DNAH12: variants seen among roughly 807,000 people sequenced by gnomAD.
DNAH12 encodes dynein axonemal heavy chain 12, also known as axonemal beta dynein heavy chain 12.
DNAH12 carries 285 observed loss-of-function variants against 371.5 expected under a neutral mutation model. The observed-to-expected ratio is 0.77, with a 90% CI of 0.70 to 0.85. The LOEUF is 0.85. DNAH12 is among the 40% of genes least tolerant of loss of function. The pLI is 0.00. For missense variants in DNAH12, 3,611 were observed against 3,689.4 expected, an observed-to-expected ratio of 0.98 and a Z score of 0.55; for synonymous variants, 1,200 against 1,213.0, an observed-to-expected ratio of 0.99 and a Z score of 0.22.
intron 58 of DNAH12, among the ~76,000 whole-genome samples, chr3:57,357,672 A>T (rs979489253): frequency 6.6e-6 from 1 of 152,182 alleles, no homozygotes; most frequent in Non-Finnish European, 1.5e-5. Context: ...CATACCAAAT[A>T]AGAAAGCTTT....
intron 37 of DNAH12, among the ~76,000 whole-genome samples, chr3:57,418,990 GA>G (rs2064479220): frequency 6.6e-6 from 1 of 152,192 alleles, no homozygotes; most frequent in African/African-American, 2.4e-5. Context: ...GGACATAGGT[GA>G]AAAATGCTAA....
the DNAH12 span, among the ~76,000 whole-genome samples, chr3:57,554,212 G>A: frequency 2.0e-4 from 26 of 129,926 alleles, 2 homozygotes; most frequent in South Asian, 6.7e-4. Context: ...GCTTGAACCC[G>A]GGAGGTGGAG....
At chr3:57,470,676 G>C in intron 15 of DNAH12, 40 bp from the exon 16 acceptor site, 1 of 1,438,868 alleles carries the variant, frequency 6.9e-7, no homozygotes, top group African/African-American at 1.5e-5. Flanking sequence ...AAAAATTCAA[G>C]TAATGTTATA....
rs2067046134 is a variant in DNAH12, at chr3:57,489,600, C to T, written c.1423G>A (p.Asp475Asn). 1.3e-6 allele frequency: 2 copies of T among 1,542,740 alleles called. No individual in the cohort carries two copies. The highest frequency in any genetic ancestry group is 2.8e-5 in the African/African-American group (2 of 72,376). ...TTATTTGTCAGGCCTGTCTTCAAAT[C>T]TTCACAATCCAAACGCACCATAGTG... is the stretch of plus-strand genomic sequence containing the variant. ...HYTMVRLDCE[D>N]LKTGLTNKAK... Residue 475 changes from aspartate to asparagine, a missense_variant, in exon 12 of 74, where the codon GAT becomes AAT. Around this residue, in one of 3 missense-constraint regions of DNAH12, gnomAD observed 1,314 missense variants for 1,398.7 expected, o/e 0.94. Coordinates refer to ENST00000495027, the MANE Select transcript of DNAH12 (RefSeq NM_001366028.2).
intron 40 of DNAH12, among the ~76,000 whole-genome samples, chr3:57,406,393 C>T (rs559319370): frequency 1.3e-5 from 2 of 150,570 alleles, no homozygotes; most frequent in South Asian, 4.2e-4. Context: ...ATTATACTGG[C>T]TTGGAAAATT....
chr3:57,453,482 T>C (rs1346904448), intron 23 of DNAH12, 79 bp from the exon 24 acceptor site: 4 of 1,242,088 alleles, frequency 3.2e-6, no homozygotes, highest in South Asian at 4.0e-5. Flanking sequence ...TAGTCTTTTA[T>C]AAAACAATTC....
At chr3:57,401,448 C>T (rs1353559616) in intron 43 of DNAH12, among the ~76,000 whole-genome samples, 2 of 149,636 alleles carry the variant, frequency 1.3e-5, no homozygotes, top group African/African-American at 4.9e-5. Flanking sequence ...CCTGCAATCC[C>T]AGGTACTTGG....
chr3:57,524,420 T>G (rs2068563333), intron 2 of DNAH12, among the ~76,000 whole-genome samples: 1 of 152,192 alleles, frequency 6.6e-6, no homozygotes, highest in Non-Finnish European at 1.5e-5. Flanking sequence ...TTAAGAGATT[T>G]TTTTTGCATT....
intron 8 of DNAH12, among the ~76,000 whole-genome samples, chr3:57,507,294 T>C (rs1316269312): frequency 6.6e-6 from 1 of 152,118 alleles, no homozygotes; most frequent in Non-Finnish European, 1.5e-5. Context: ...AAGATTTTAC[T>C]GAGAACAAAA....
At chr3:57,326,202 C>G (rs908673746) in intron 62 of DNAH12, among the ~76,000 whole-genome samples, 8 of 151,918 alleles carry the variant, frequency 5.3e-5, no homozygotes, top group African/African-American at 1.7e-4. Context: ...TCAGGAAATA[C>G]AGAGAATGCC....
chr3:57,343,618 CCAGCCCG>C (rs2062460206), intron 60 of DNAH12, among the ~76,000 whole-genome samples: 1 of 152,174 alleles, frequency 6.6e-6, no homozygotes, highest in Non-Finnish European at 1.5e-5. Flanking sequence ...TGACCGTCCC[CCAGCCCG>C]ACACCTGTAA....
At chr3:57,542,224 T>G (rs2069323312) in intron 2 of DNAH12, among the ~76,000 whole-genome samples, 1 of 149,102 alleles carries the variant, frequency 6.7e-6, no homozygotes, top group Non-Finnish European at 1.5e-5. Context: ...ATTTCAAATA[T>G]AAGTAGTTTC....
At chr3:57,539,733 C>G (rs2069193385) in intron 2 of DNAH12, among the ~76,000 whole-genome samples, 1 of 151,600 alleles carries the variant, frequency 6.6e-6, no homozygotes, top group Non-Finnish European at 1.5e-5. Flanking sequence ...CCTGCCTCAG[C>G]CTCCCGAGTA....
intron 11 of DNAH12, among the ~76,000 whole-genome samples, chr3:57,492,460 C>T (rs933988362): frequency 4.6e-5 from 7 of 151,184 alleles, no homozygotes; most frequent in Admixed American, 1.3e-4. Flanking sequence ...AACTCCAACT[C>T]AAATAAATAA....
intron 25 of DNAH12, among the ~76,000 whole-genome samples, chr3:57,451,399 G>C (rs1166073453): frequency 2.0e-5 from 3 of 152,206 alleles, no homozygotes; most frequent in Non-Finnish European, 4.4e-5. Context: ...GGAAGGCTGA[G>C]GCAGGCAGAT....
Position 57,453,028 on chromosome 3 carries a change from A to C in DNAH12, c.3614-13T>G. On this transcript the variant is annotated splice_polypyrimidine_tract_variant and intron_variant, in intron 24 of 73. Coordinates refer to ENST00000495027, the MANE Select transcript of DNAH12 (RefSeq NM_001366028.2). ...TCATGTGAGACACCTAGAAAAAATA[A>C]AGTAAAATAAGACACATGATCCTTA... 1 of 1,533,454 alleles carries C rather than the reference A, an allele frequency of 6.5e-7. No individual in the cohort carries two copies. 95.0% of individuals were successfully genotyped at this position (1,533,454 alleles called of 1,614,324 possible). A position where few individuals can be genotyped will look rare whatever the true frequency, so the allele number is the denominator to read the frequency against.
At chr3:57,359,441 C>T (rs1398032696) in intron 58 of DNAH12, among the ~76,000 whole-genome samples, 1 of 151,458 alleles carries the variant, frequency 6.6e-6, no homozygotes, top group Non-Finnish European at 1.5e-5. Context: ...TGCCTGTAAT[C>T]CCAGCTACTC....
At chr3:57,302,553 A>ATGGT (rs1559535314) in intron 69 of DNAH12, among the ~76,000 whole-genome samples, 10 of 86,376 alleles carry the variant, frequency 1.2e-4, no homozygotes, top group African/African-American at 4.2e-4. Context: ...ATATATATAT[A>ATGGT]TATATATATA....
chr3:57,461,743 C>T, intron 18 of DNAH12, 54 bp from the exon 19 acceptor site: 9 of 1,396,740 alleles, frequency 6.4e-6, no homozygotes, highest in Non-Finnish European at 8.8e-6. Flanking sequence ...ATCTTATTTA[C>T]TATATTGACT....
Sources: allele counts gnomAD v4.1 joint callset (sites outside exome capture counted in the v4.1 genomes callset), GRCh38; gene constraint gnomAD v4.1.1; regional missense constraint gnomAD v4.1.1; transcripts MANE v1.5; gene names NCBI Gene and HGNC (gene_info 2026-07-23, HGNC 2026-07-21).